MTRR: variants seen among roughly 807,000 people sequenced by gnomAD.
MTRR encodes 5-methyltetrahydrofolate-homocysteine methyltransferase reductase.
In MTRR, 63 loss-of-function variants were observed where a neutral mutation model predicts 79.2. The observed-to-expected ratio is 0.80, with a 90% CI of 0.65 to 0.98. The LOEUF (loss-of-function observed/expected upper bound fraction) is 0.98. Ranked by LOEUF, MTRR falls within the 50% of genes least tolerant of loss-of-function variation. The pLI is 0.00. For synonymous variants in MTRR, 355 were observed against 313.3 expected, an observed-to-expected ratio of 1.13 and a Z score of -1.41; for missense variants, 895 against 839.6, an observed-to-expected ratio of 1.07 and a Z score of -0.82.
intron 1 of MTRR, chr5:7,856,773 T>TC: frequency 7.9e-6 from 1 of 127,240 alleles, no homozygotes; most frequent in South Asian, 3.0e-4. Flanking sequence ...TAATTTTATT[T>TC]ATTTTTTTTT....
rs762373463 is a variant in MTRR at position 7,863,040 on chromosome 5, A to G, written n.498+983A>G. ...CAAATGTGAGAAAGAAAAATAAGAT[A>G]TAACAACAGAGAATAAATTGAAGGT... On this transcript the variant is annotated intron_variant and non_coding_transcript_variant, in intron 2 of 3. Coordinates refer to the MTRR transcript ENST00000502509. 2.0e-6 allele frequency: 3 copies of G among 1,527,358 alleles called. No homozygotes were observed. In the East Asian group the frequency reaches 6.7e-5, roughly 34 times the overall value. 94.6% of individuals were successfully genotyped at this position (1,527,358 alleles called of 1,614,324 possible). A position where few individuals can be genotyped will look rare whatever the true frequency, so the allele number is the denominator to read the frequency against.
chr5:7,878,645 T>G (rs1025239159), intron 5 of MTRR, among the ~76,000 whole-genome samples: 1 of 152,284 alleles, frequency 6.6e-6, no homozygotes, highest in Non-Finnish European at 1.5e-5. Context: ...ATTACTTCTG[T>G]ATTTGAAGAA....
At chr5:7,888,130 A>G (rs1736938527) in intron 8 of MTRR, among the ~76,000 whole-genome samples, 2 of 152,102 alleles carry the variant, frequency 1.3e-5, no homozygotes, top group South Asian at 2.1e-4. Flanking sequence ...AAAAAAGGCA[A>G]ACTTTCTTGT....
intron 5 of MTRR, among the ~76,000 whole-genome samples, chr5:7,879,171 T>C (rs1413037161): frequency 1.3e-5 from 2 of 152,174 alleles, no homozygotes; most frequent in African/African-American, 2.4e-5. Flanking sequence ...TTGTACTTCA[T>C]TATTTTGTGA....
At chr5:7,883,774 G>T (rs927193623) in intron 6 of MTRR, among the ~76,000 whole-genome samples, 1 of 152,196 alleles carries the variant, frequency 6.6e-6, no homozygotes, top group Non-Finnish European at 1.5e-5. Flanking sequence ...AGAGGAAGAT[G>T]CTGGCTTACT....
chr5:7,881,487 A>G (rs1252748244), intron 5 of MTRR, among the ~76,000 whole-genome samples: 6 of 152,060 alleles, frequency 3.9e-5, no homozygotes, highest in African/African-American at 1.4e-4. Context: ...TGCAGGCTCA[A>G]AGAGTTCAAG....
intron 14 of MTRR, 139 bp downstream of exon 14, chr5:7,897,386 A>G (rs1738719601): frequency 2.2e-6 from 2 of 900,440 alleles, no homozygotes; most frequent in East Asian, 5.0e-5. Context: ...TAGAAATAAC[A>G]GTTCTGAAAT....
At chr5:7,895,988 T>A (rs1579817339) in intron 12 of MTRR, 136 bp downstream of exon 12, 1 of 1,158,792 alleles carries the variant, frequency 8.6e-7, no homozygotes, top group Non-Finnish European at 1.2e-6. Flanking sequence ...TAACATAATT[T>A]GTCACCATGG....
rs2126643538 is a variant in MTRR, at chr5:7,870,787, T to C, written c.-8T>C. 6.2e-7 allele frequency: 1 copy of C among 1,614,240 alleles called. No homozygotes were observed. The highest frequency in any genetic ancestry group is 8.5e-7 in the Non-Finnish European group (1 of 1,180,040). On this transcript the variant is annotated 5_prime_UTR_variant, in exon 2 of 15. Coordinates refer to ENST00000440940, the MANE Select transcript of MTRR (RefSeq NM_002454.3). ...TTTTTCAGTTTCACTGTTACATGCC[T>C]TGAAGTGATGAGGAGGTTTCTGTTA...
chr5:7,872,930 C>G (rs1748236443), intron 2 of MTRR, among the ~76,000 whole-genome samples: 1 of 152,102 alleles, frequency 6.6e-6, no homozygotes. Context: ...CTCATCTTGG[C>G]TCTTAGCAGT....
At chr5:7,857,790 G>C (rs1371353595) in intron 1 of MTRR, among the ~76,000 whole-genome samples, 1 of 152,228 alleles carries the variant, frequency 6.6e-6, no homozygotes, top group African/African-American at 2.4e-5. Flanking sequence ...AGAACTGTCT[G>C]CTGAATGCGT....
At position 7,878,308 on chromosome 5, in the gene MTRR, G is replaced by C; in HGVS notation, c.766G>C (p.Glu256Gln). Residue 256 changes from glutamate (E) to glutamine (Q), a missense_variant, in exon 5 of 15, where the codon GAG becomes CAG. Coordinates refer to ENST00000440940, the MANE Select transcript of MTRR (RefSeq NM_002454.3). ...PPEYLQVHLQESLGQEESQVS... is the reference protein window; with the variant it reads ...PPEYLQVHLQQSLGQEESQVS... Reference sequence around the variant, plus strand: ...AGAATATTTACAGGTACATCTGCAGGAGTCTCTTGGCCAGGTAAGGAAGTT... The same window carrying C: ...AGAATATTTACAGGTACATCTGCAGCAGTCTCTTGGCCAGGTAAGGAAGTT... The C allele has an allele frequency of 6.2e-7, 1 of 1,614,186 alleles. No homozygotes were observed. The highest frequency in any genetic ancestry group is 1.1e-5 in the South Asian group (1 of 91,088).
intron 9 of MTRR, among the ~76,000 whole-genome samples, chr5:7,889,744 G>T (rs564749927): frequency 2.0e-5 from 3 of 152,202 alleles, no homozygotes; most frequent in Non-Finnish European, 4.4e-5. Flanking sequence ...TGTGCAGAAT[G>T]CAGAAATGCC....
chr5:7,880,701 C>T (rs1735438584), intron 5 of MTRR, among the ~76,000 whole-genome samples: 1 of 152,164 alleles, frequency 6.6e-6, no homozygotes, highest in Non-Finnish European at 1.5e-5. Context: ...TCTTGGCCCT[C>T]CCCATGATGA....
chr5:7,855,285 C>G (rs1746206687), intron 1 of MTRR, among the ~76,000 whole-genome samples: 4 of 151,564 alleles, frequency 2.6e-5, no homozygotes, highest in Non-Finnish European at 5.9e-5. Flanking sequence ...GGAATAATAA[C>G]TAATTTTGTT....
chr5:7,867,423 G>C (rs1747057645), upstream of MTRR: 1 of 1,614,142 alleles, frequency 6.2e-7, no homozygotes, highest in East Asian at 2.2e-5. Context: ...CTTTCCCCAA[G>C]AATACAAAGA....
chr5:7,882,776 A>G (rs1193538791), intron 5 of MTRR, among the ~76,000 whole-genome samples: 1 of 152,140 alleles, frequency 6.6e-6, no homozygotes, highest in Non-Finnish European at 1.5e-5. Flanking sequence ...TCCTGTGACC[A>G]TCTACACACA....
Position 7,875,349 on chromosome 5 carries a change from C to T in MTRR, c.375C>T (p.Asp125=), listed in dbSNP as rs757292247. The stretch of plus-strand genomic sequence containing the variant: ...AGCTTGGAGCCCGGCATTTCTATGA[C>T]ACTGGACATGCAGATGACTGTGTAG... ...LQELGARHFY[D]TGHADDCVGL... The change falls in exon 4 of 15, where the codon GAC becomes GAT. Residue 125 remains aspartate (D), a synonymous_variant. Transcript: ENST00000440940. 6.2e-7 allele frequency: 1 copy of T among 1,613,084 alleles called. No individual in the cohort carries two copies. Among genetic ancestry groups the T allele is most frequent in the East Asian group, 2.2e-5 (1 of 44,870 alleles).
chr5:7,886,544 G>C, intron 7 of MTRR, 71 bp from the exon 8 acceptor site: 1 of 1,141,880 alleles, frequency 8.8e-7, no homozygotes, highest in Non-Finnish European at 1.3e-6. Flanking sequence ...ATTGTGTTTT[G>C]GGGAGTGTGT....
Sources: allele counts gnomAD v4.1 joint callset (sites outside exome capture counted in the v4.1 genomes callset), GRCh38; gene constraint gnomAD v4.1.1; transcripts MANE v1.5; gene names NCBI Gene and HGNC (gene_info 2026-07-23, HGNC 2026-07-21).